Variants in PLEKHG1 observed in about 807,000 individuals in gnomAD.
The protein encoded by PLEKHG1 is pleckstrin homology domain-containing family G member 1.
A neutral mutation model predicts 100.8 loss-of-function variants in PLEKHG1; 44 were observed. The observed-to-expected ratio is 0.44, with a 90% CI of 0.34 to 0.56. PLEKHG1 has a LOEUF of 0.56. PLEKHG1 is among the 20% of genes least tolerant of loss of function. The probability of loss-of-function intolerance (pLI) is 0.01; values close to 1 mark genes in which losing one functional copy is unlikely to be tolerated. For missense variants in PLEKHG1, 1,545 were observed against 1,720.9 expected (o/e 0.90, Z 1.81); for synonymous variants, 640 against 662.5 (o/e 0.97, Z 0.52).
chr6:150,769,600 A>G (rs545138883), intron 3 of PLEKHG1, among the ~76,000 whole-genome samples: 36 of 150,572 alleles, frequency 2.4e-4, no homozygotes, highest in East Asian at 1.4e-3. Flanking sequence ...AAAAAAAAAA[A>G]AAAGAAAGAA....
At chr6:150,789,397 A>G (rs542425337) in intron 4 of PLEKHG1, among the ~76,000 whole-genome samples, 1 of 152,350 alleles carries the variant, frequency 6.6e-6, no homozygotes, top group Non-Finnish European at 1.5e-5. Context: ...ATGTGAAACC[A>G]TCATTTGTAA....
intron 1 of PLEKHG1, among the ~76,000 whole-genome samples, chr6:150,630,810 G>A (rs963314556): frequency 2.0e-5 from 3 of 152,082 alleles, no homozygotes; most frequent in African/African-American, 7.2e-5. Flanking sequence ...TGATCTCAGG[G>A]CACCCCAGCA....
intron 1 of PLEKHG1, among the ~76,000 whole-genome samples, chr6:150,722,997 G>A (rs1781777700): frequency 6.6e-6 from 1 of 152,172 alleles, no homozygotes; most frequent in African/African-American, 2.4e-5. Context: ...AAAACTCGGT[G>A]ATACACAGTT....
chr6:150,839,855 C>T (rs1255241465), exon 16 of PLEKHG1: 2 of 1,610,554 alleles, frequency 1.2e-6, no homozygotes, highest in Non-Finnish European at 8.5e-7. Flanking sequence ...CTGAGTATTC[C>T]CAGTTGTATG....
intron 10 of PLEKHG1, among the ~76,000 whole-genome samples, chr6:150,815,774 T>C (rs542031938): frequency 2.3e-4 from 35 of 152,224 alleles, no homozygotes; most frequent in Non-Finnish European, 3.7e-4. Flanking sequence ...AGAGTAAAAT[T>C]ATTTTAAAAG....
intron 7 of PLEKHG1, 54 bp from the exon 9 acceptor site, chr6:150,809,051 C>A: frequency 6.5e-7 from 1 of 1,528,736 alleles, no homozygotes; most frequent in South Asian, 1.2e-5. Context: ...CCACCAAGCC[C>A]TTGGTGCCTG....
At chr6:150,607,628 T>G (rs1776656429) in intron 1 of PLEKHG1, among the ~76,000 whole-genome samples, 1 of 152,136 alleles carries the variant, frequency 6.6e-6, no homozygotes, top group Non-Finnish European at 1.5e-5. Context: ...GAGTCAAAGA[T>G]CTGGGATTAC....
intron 6 of PLEKHG1, among the ~76,000 whole-genome samples, chr6:150,801,437 CTTTTTTTT>C (rs35282307): frequency 2.8e-5 from 3 of 108,790 alleles, no homozygotes; most frequent in South Asian, 3.1e-4. Context: ...CTTTTCTTTT[CTTTTTTTT>C]TTTTTTTTTT....
chr6:150,809,022 T>C (rs1447093916), intron 7 of PLEKHG1, 83 bp from the exon 9 acceptor site: 1 of 1,205,246 alleles, frequency 8.3e-7, no homozygotes, highest in Non-Finnish European at 1.2e-6. Context: ...GGCACCATTC[T>C]TGAGGCTCAA....
intron 3 of PLEKHG1, among the ~76,000 whole-genome samples, chr6:150,712,539 A>C (rs190138854): frequency 2.0e-5 from 3 of 152,358 alleles, no homozygotes; most frequent in African/African-American, 7.2e-5. Flanking sequence ...TAAAGGATTC[A>C]GTAATGTTTA....
intron 3 of PLEKHG1, among the ~76,000 whole-genome samples, chr6:150,691,777 C>G (rs928550383): frequency 6.6e-6 from 1 of 152,212 alleles, no homozygotes; most frequent in African/African-American, 2.4e-5. Context: ...TCTCAGCCAA[C>G]TTTCTTTTTC....
chr6:150,831,691 G>A lies in PLEKHG1; in HGVS notation c.2580G>A (p.Ala860=), dbSNP rs749882256. The A allele has an allele frequency of 8.1e-6, 13 of 1,612,790 alleles. No homozygotes were observed. The highest frequency in any genetic ancestry group is 1.6e-4 in the Middle Eastern group (1 of 6,082). ...AGGCCAGAGACCGTCTCCTGGCAGC[G>A]TTTCCTGTGAGCAAGGATGATGTGC... Residue 860 remains alanine, a synonymous_variant, in exon 15 of 16, where the codon GCG becomes GCA. Coordinates refer to ENST00000358517, the Ensembl canonical transcript of PLEKHG1. This position sits in a 1 kb window ranked among gnomAD's most constrained non-coding sequence, Gnocchi z 4.1.
chr6:150,629,390 T>G (rs1777649795), intron 1 of PLEKHG1, among the ~76,000 whole-genome samples: 1 of 152,168 alleles, frequency 6.6e-6, no homozygotes, highest in Non-Finnish European at 1.5e-5. Flanking sequence ...GCAATTAAGA[T>G]TTCCCTATAG....
intron 1 of PLEKHG1, among the ~76,000 whole-genome samples, chr6:150,620,466 T>C (rs934773295): frequency 6.6e-6 from 1 of 152,204 alleles, no homozygotes; most frequent in Non-Finnish European, 1.5e-5. Flanking sequence ...ACCCCTTCAG[T>C]ATTTGTGCAA....
At chr6:150,756,736 G>T (rs780384110) in intron 2 of PLEKHG1, among the ~76,000 whole-genome samples, 13 of 152,100 alleles carry the variant, frequency 8.5e-5, no homozygotes, top group Non-Finnish European at 1.8e-4. Context: ...ATTTGATTTT[G>T]ATTGAGGGTT....
chr6:150,821,285 T>C, intron 13 of PLEKHG1, 52 bp downstream of exon 14: 1 of 1,150,650 alleles, frequency 8.7e-7, no homozygotes, highest in Non-Finnish European at 1.3e-6. Context: ...ATTCACTAAA[T>C]CAAACCACAC....
chr6:150,634,259 A>AAAAAAAAG (rs1562397883), intron 1 of PLEKHG1, among the ~76,000 whole-genome samples: 3 of 150,680 alleles, frequency 2.0e-5, no homozygotes, highest in African/African-American at 7.5e-5. Flanking sequence ...CCAAAAAAAA[A>AAAAAAAAG]AAAGAAAAAA....
chr6:150,736,598 A>G (rs1782574842), intron 2 of PLEKHG1, among the ~76,000 whole-genome samples: 2 of 152,124 alleles, frequency 1.3e-5, no homozygotes, highest in Admixed American at 6.5e-5. Flanking sequence ...GTGAAAGCCC[A>G]TCTCTACTAA....
At position 150,739,550 on chromosome 6, in the gene PLEKHG1, C is replaced by A. The variant is rs576985357; in HGVS notation, c.411+5458C>A. ...GGGTATGGTGGTGCATGCCTGTAGT[C>A]CCAGCCGCTTAGAAGGCTGAGGCAG... On this transcript the variant is annotated intron_variant, in intron 2 of 15. Coordinates refer to ENST00000358517, the Ensembl canonical transcript of PLEKHG1. Among the ~76,000 whole-genome samples the A allele has an allele frequency of 2.6e-5, 4 of 152,112 alleles. No individual in the cohort carries two copies. In the East Asian group the frequency reaches 7.7e-4, roughly 29 times the overall value.
Sources: gnomAD v4.1 joint callset for allele counts (sites outside exome capture counted in the v4.1 genomes callset) on GRCh38, gnomAD v4.1.1 for gene constraint, Gnocchi (gnomAD v3.1) non-coding constraint, MANE v1.5 for transcripts, NCBI Gene and HGNC (gene_info 2026-07-23, HGNC 2026-07-21) for gene names.